The following IL23R variants were observed in gnomAD, a reference collection of about 807,000 sequenced individuals.
IL23R encodes interleukin 23 receptor.
A neutral mutation model predicts 56.9 loss-of-function variants in IL23R; 34 were observed. The observed-to-expected ratio is 0.60, with a 90% CI of 0.45 to 0.80. IL23R has a LOEUF of 0.80. Among genes scored for constraint, IL23R ranks in the 30% least tolerant of loss-of-function variants. The pLI is 0.00. For synonymous variants in IL23R, 230 were observed against 249.2 expected (o/e 0.92, Z 0.73); for missense variants, 635 against 730.0 (o/e 0.87, Z 1.50).
At chr1:67,165,206 C>G (rs533948614), upstream of IL23R, among the ~76,000 whole-genome samples, 5 of 152,064 alleles carry the variant, frequency 3.3e-5, no homozygotes, top group Non-Finnish European at 7.4e-5. Context: ...AAGACTCTGT[C>G]TCAAAACAAA....
rs541298368 is a variant in IL23R, at chr1:67,200,605, G to A, written c.492-132G>A. 127 of 766,214 alleles carry A rather than the reference G, an allele frequency of 1.7e-4. 1 individual carries two copies. In the East Asian group the frequency reaches 3.0e-3, roughly 18 times the overall value. The allele number at this position is 766,214 out of a possible 1,614,324, so 47.5% of individuals were successfully genotyped here. ...TCACCATGTTGGCCAGGCTGGTCTC[G>A]AACTCCTGACCTCAGGTGATCCAAC... is the stretch of plus-strand genomic sequence containing the variant. On this transcript the variant is annotated intron_variant, in intron 4 of 10. Coordinates refer to ENST00000347310, the MANE Select transcript of IL23R (RefSeq NM_144701.3).
At chr1:67,162,194 G>A (rs996574898), upstream of IL23R, among the ~76,000 whole-genome samples, 2 of 151,042 alleles carry the variant, frequency 1.3e-5, no homozygotes, top group Non-Finnish European at 2.9e-5. Flanking sequence ...GGCCTGGCAC[G>A]ATGGCTCACT....
At chr1:67,171,958 A>C (rs1483417130) in intron 3 of IL23R, among the ~76,000 whole-genome samples, 2 of 152,212 alleles carry the variant, frequency 1.3e-5, no homozygotes, top group Admixed American at 6.5e-5. Context: ...AGGACAGCCT[A>C]ATAGAAATAC....
chr1:67,204,073 T>TC (rs1454562753), intron 5 of IL23R, among the ~76,000 whole-genome samples: 2 of 152,248 alleles, frequency 1.3e-5, no homozygotes, highest in African/African-American at 4.8e-5. Context: ...ACTTTTTTTT[T>TC]CTTTTTTTGA....
intron 9 of IL23R, among the ~76,000 whole-genome samples, chr1:67,242,849 C>G (rs1190135679): frequency 6.6e-6 from 1 of 152,034 alleles, no homozygotes; most frequent in Non-Finnish European, 1.5e-5. Context: ...TTTCATACAA[C>G]CAGAAAACAT....
chr1:67,161,348 A>G (rs2102544041), intron 1 of IL23R, among the ~76,000 whole-genome samples: 1 of 152,256 alleles, frequency 6.6e-6, no homozygotes, highest in East Asian at 1.9e-4. Context: ...TATTTTATAA[A>G]TTATTTACAA....
chr1:67,215,564 C>A (rs554601312), intron 6 of IL23R, among the ~76,000 whole-genome samples: 4 of 152,310 alleles, frequency 2.6e-5, no homozygotes, highest in Non-Finnish European at 5.9e-5. Flanking sequence ...ATGGACAAAC[C>A]AGAGCCAGAA....
At chr1:67,190,212 C>T (rs6664119) in intron 4 of IL23R, among the ~76,000 whole-genome samples, 71,246 of 151,982 alleles carry the variant, frequency 0.47, 17,511 homozygotes, top group East Asian at 0.64. Flanking sequence ...CTCATTTCTC[C>T]AGTTGCAGAA....
At chr1:67,188,428 T>A (rs534445073) in intron 4 of IL23R, among the ~76,000 whole-genome samples, 1 of 152,342 alleles carries the variant, frequency 6.6e-6, no homozygotes, top group African/African-American at 2.4e-5. Context: ...TCCAACAGTA[T>A]CTGCCATAGT....
At chr1:67,253,242 T>A (rs1473823670) in intron 9 of IL23R, among the ~76,000 whole-genome samples, 2 of 152,188 alleles carry the variant, frequency 1.3e-5, no homozygotes, top group East Asian at 3.8e-4. Context: ...CCCCCTTCAG[T>A]TTTTTCCCTC....
At chr1:67,260,973 T>C (rs1285629253), downstream of IL23R, among the ~76,000 whole-genome samples, 1 of 152,218 alleles carries the variant, frequency 6.6e-6, no homozygotes, top group African/African-American at 2.4e-5. Flanking sequence ...GTTGTCAATT[T>C]ATACTCATAT....
chr1:67,252,314 T>C (rs1652677224), intron 9 of IL23R, among the ~76,000 whole-genome samples: 1 of 152,136 alleles, frequency 6.6e-6, no homozygotes, highest in Non-Finnish European at 1.5e-5. Flanking sequence ...AATGCCAAAT[T>C]TTACAACCCC....
At position 67,252,111 on chromosome 1, in the gene IL23R, T is replaced by C. The variant is rs376516797; in HGVS notation, c.1149-3726T>C. 1.1e-4 allele frequency among the ~76,000 whole-genome samples: 17 copies of C among 152,328 alleles called. No individual in the cohort carries two copies. The East Asian group carries it at 1.5e-3, about 14-fold the overall frequency. ...AAATTTTGCTATTTCTGTAAGACTTTGCTGCCTCCCAAGCCTAATGTATAA... is the reference window on the plus strand; with the variant it reads ...AAATTTTGCTATTTCTGTAAGACTTCGCTGCCTCCCAAGCCTAATGTATAA... On this transcript the variant is annotated intron_variant, in intron 9 of 10. Coordinates refer to ENST00000347310, the MANE Select transcript of IL23R (RefSeq NM_144701.3).
intron 3 of IL23R, among the ~76,000 whole-genome samples, chr1:67,171,137 T>C (rs1007997365): frequency 6.6e-6 from 1 of 152,146 alleles, no homozygotes; most frequent in East Asian, 1.9e-4. Flanking sequence ...ACTTTACTAT[T>C]TATCCTTTGG....
At chr1:67,217,200 AG>A (rs1280136751) in intron 6 of IL23R, among the ~76,000 whole-genome samples, 1 of 152,240 alleles carries the variant, frequency 6.6e-6, no homozygotes, top group Non-Finnish European at 1.5e-5. Context: ...TAACCTTCAG[AG>A]TTGAGGCTCT....
rs78488866 is a variant in IL23R at position 67,254,100 on chromosome 1, G to A, written c.1149-1737G>A. On this transcript the variant is annotated intron_variant, in intron 9 of 10. Coordinates refer to ENST00000347310, the MANE Select transcript of IL23R (RefSeq NM_144701.3). ...TTATTATTTTTTGAGACAGAGTCTCGCTCTATCATCCATACTGGAGTGCAG... is the reference window on the plus strand; with the variant it reads ...TTATTATTTTTTGAGACAGAGTCTCACTCTATCATCCATACTGGAGTGCAG... Among the ~76,000 whole-genome samples the A allele has an allele frequency of 5.4e-3, 816 of 151,856 alleles. 9 individuals are homozygous for A. The highest frequency in any genetic ancestry group is 0.044 in the East Asian group (226 of 5,176).
In IL23R at chr1:67,182,832, G is replaced by A; in HGVS notation, c.368-4G>A. 6.2e-7 allele frequency: 1 copy of A among 1,613,886 alleles called. No homozygotes were observed. ...CACCTCCTAAGTGTTATGTTTTGTT[G>A]CAGATCCGCCAGATATTCCTGATGA... is the stretch of plus-strand genomic sequence containing the variant. On this transcript the variant is annotated splice_region_variant and splice_polypyrimidine_tract_variant and intron_variant, in intron 3 of 10. Transcript: ENST00000347310.
chr1:67,261,082 C>CTTTT (rs34219944), downstream of IL23R, among the ~76,000 whole-genome samples: 1 of 144,244 alleles, frequency 6.9e-6, no homozygotes, highest in Non-Finnish European at 1.5e-5. Flanking sequence ...TTTTGTTTTA[C>CTTTT]TTTTTTTTTT....
intron 6 of IL23R, among the ~76,000 whole-genome samples, chr1:67,216,544 T>C (rs1361923842): frequency 2.0e-5 from 3 of 152,224 alleles, no homozygotes; most frequent in Non-Finnish European, 2.9e-5. Flanking sequence ...ACTACTCAAC[T>C]CTGTGTTTGT....
Sources: gnomAD v4.1 joint callset for allele counts (sites outside exome capture counted in the v4.1 genomes callset) on GRCh38, gnomAD v4.1.1 for gene constraint, MANE v1.5 for transcripts, NCBI Gene and HGNC (gene_info 2026-07-23, HGNC 2026-07-21) for gene names.